Variants in CSNK1G1 observed in about 807,000 individuals in gnomAD.
The protein encoded by CSNK1G1 is casein kinase I isoform gamma-1.
CSNK1G1 carries 22 observed loss-of-function variants against 59.6 expected under a neutral mutation model. The ratio of observed to expected loss-of-function variants is 0.37; its 90% CI spans 0.26 to 0.53. The LOEUF is 0.53. CSNK1G1 is among the 20% of genes least tolerant of loss of function. The probability of loss-of-function intolerance (pLI) is 0.89; values close to 1 mark genes in which losing one functional copy is unlikely to be tolerated. For missense variants in CSNK1G1, 384 were observed against 519.5 expected (o/e 0.74, Z 2.54); for synonymous variants, 179 against 177.1 (o/e 1.01, Z -0.08).
At chr15:64,265,732 A>G (rs1956301223) in intron 2 of CSNK1G1, 1 of 452,596 alleles carries the variant, frequency 2.2e-6, no homozygotes, top group Admixed American at 2.4e-5. Flanking sequence ...GAAACTATAA[A>G]ATACCAACAA....
At chr15:64,331,577 G>C (rs1488930212) in intron 1 of CSNK1G1, among the ~76,000 whole-genome samples, 3 of 121,956 alleles carry the variant, frequency 2.5e-5, no homozygotes, top group Admixed American at 8.9e-5. Flanking sequence ...AAAAACCCTA[G>C]AAGAAAACCT....
At chr15:64,304,920 C>T (rs1895583020) in intron 1 of CSNK1G1, among the ~76,000 whole-genome samples, 1 of 152,158 alleles carries the variant, frequency 6.6e-6, no homozygotes, top group Non-Finnish European at 1.5e-5. Flanking sequence ...TCTACTACTT[C>T]TTCATCCACC....
chr15:64,303,791 A>C (rs1895502387), intron 1 of CSNK1G1, among the ~76,000 whole-genome samples: 2 of 151,060 alleles, frequency 1.3e-5, no homozygotes, highest in African/African-American at 4.9e-5. Context: ...GGTGGCGCAC[A>C]CCTGTGGTCC....
At chr15:64,230,878 G>C (rs2082538446) in intron 4 of CSNK1G1, among the ~76,000 whole-genome samples, 1 of 152,140 alleles carries the variant, frequency 6.6e-6, no homozygotes, top group South Asian at 2.1e-4. Context: ...GGAGGCTGAG[G>C]CAGGAGAATG....
intron 2 of CSNK1G1, among the ~76,000 whole-genome samples, chr15:64,278,663 G>C (rs559484271): frequency 6.6e-6 from 1 of 151,974 alleles, no homozygotes; most frequent in African/African-American, 2.4e-5. Flanking sequence ...TCCTGACCTC[G>C]TGATCTGCCC....
chr15:64,222,436 C>CAAA lies in CSNK1G1; in HGVS notation c.293-5724_293-5723insTTT, dbSNP rs1567381566. On this transcript the variant is annotated intron_variant, in intron 4 of 11. Coordinates refer to ENST00000303052, the MANE Select transcript of CSNK1G1 (RefSeq NM_022048.5). ...TAAAGAAATAACAACAACAACACCA[C>CAAA]CAAAAAAAAAAAAAAAAAAAAAAGA... is the stretch of plus-strand genomic sequence containing the variant. 7.1e-4 allele frequency among the ~76,000 whole-genome samples: 81 copies of CAAA among 114,654 alleles called. 1 individual carries two copies. Among genetic ancestry groups the CAAA allele is most frequent in the African/African-American group, 1.6e-3 (45 of 27,964 alleles). The allele number at this position is 114,654 out of a possible 152,430, so 75.2% of individuals were successfully genotyped here.
chr15:64,282,251 T>C (rs1029877316), intron 2 of CSNK1G1, among the ~76,000 whole-genome samples: 5 of 152,096 alleles, frequency 3.3e-5, no homozygotes, highest in African/African-American at 1.2e-4. Context: ...CTCTACACAA[T>C]TGCCTGACCT....
At chr15:64,260,870 C>A (rs893319093) in intron 2 of CSNK1G1, among the ~76,000 whole-genome samples, 3 of 152,114 alleles carry the variant, frequency 2.0e-5, no homozygotes, top group African/African-American at 7.2e-5. Context: ...TTGCGAGTAC[C>A]TTTACGTGTC....
At chr15:64,213,372 T>C (rs146150300) in intron 6 of CSNK1G1, among the ~76,000 whole-genome samples, 1 of 152,268 alleles carries the variant, frequency 6.6e-6, no homozygotes, top group Non-Finnish European at 1.5e-5. Flanking sequence ...TTAACAATAT[T>C]TGTGCAGGTT....
chr15:64,314,936 A>G (rs944136950), intron 1 of CSNK1G1, among the ~76,000 whole-genome samples: 12 of 152,234 alleles, frequency 7.9e-5, no homozygotes, highest in African/African-American at 2.7e-4. Flanking sequence ...TGCAATGAAC[A>G]TAAGAAAGCA....
chr15:64,351,264 C>T (rs751868626), intron 1 of CSNK1G1, among the ~76,000 whole-genome samples: 2 of 152,194 alleles, frequency 1.3e-5, no homozygotes, highest in Non-Finnish European at 2.9e-5. Context: ...TAACTCACTC[C>T]TGATTGTATA....
At chr15:64,178,977 C>T (rs2081775855) in intron 11 of CSNK1G1, among the ~76,000 whole-genome samples, 2 of 150,390 alleles carry the variant, frequency 1.3e-5, no homozygotes, top group Non-Finnish European at 3.0e-5. Context: ...TCTCAAACCT[C>T]TAGACTCAAG....
At chr15:64,317,414 G>C (rs992248490) in intron 1 of CSNK1G1, among the ~76,000 whole-genome samples, 4 of 150,834 alleles carry the variant, frequency 2.7e-5, no homozygotes, top group African/African-American at 7.4e-5. Context: ...AATTTTTGTA[G>C]AGTCTTTATC....
chr15:64,261,970 C>G (rs1170542766), intron 2 of CSNK1G1, among the ~76,000 whole-genome samples: 3 of 149,316 alleles, frequency 2.0e-5, no homozygotes, highest in Non-Finnish European at 4.4e-5. Flanking sequence ...GCCATTAATA[C>G]CATTTTTCCC....
intron 2 of CSNK1G1, among the ~76,000 whole-genome samples, chr15:64,299,947 C>A (rs1288861572): frequency 6.6e-6 from 1 of 152,094 alleles, no homozygotes; most frequent in Admixed American, 6.6e-5. Context: ...GGCCTTATGT[C>A]CTTCTTAAAA....
chr15:64,330,052 G>T (rs1305499837), intron 1 of CSNK1G1, among the ~76,000 whole-genome samples: 5 of 145,000 alleles, frequency 3.4e-5, no homozygotes, highest in African/African-American at 1.3e-4. Context: ...CAACCAAAAA[G>T]AGTCCAGGAC....
At chr15:64,204,647 G>C in intron 8 of CSNK1G1, 58 bp from the exon 9 acceptor site, 3 of 1,558,522 alleles carry the variant, frequency 1.9e-6, no homozygotes, top group South Asian at 1.2e-5. Flanking sequence ...CATAGCAGTT[G>C]TGGGGAAGCA....
intron 1 of CSNK1G1, among the ~76,000 whole-genome samples, chr15:64,302,889 T>G (rs554123362): frequency 1.3e-5 from 2 of 152,210 alleles, no homozygotes; most frequent in Non-Finnish European, 2.9e-5. Context: ...CTCTTCATAT[T>G]TTTCATTTTT....
intron 2 of CSNK1G1, among the ~76,000 whole-genome samples, chr15:64,299,629 A>G (rs1895218248): frequency 6.6e-6 from 1 of 151,634 alleles, no homozygotes; most frequent in Non-Finnish European, 1.5e-5. Context: ...ATAAATACCC[A>G]ATGTACCTTC....
Sources: allele counts gnomAD v4.1 joint callset (sites outside exome capture counted in the v4.1 genomes callset), GRCh38; gene constraint gnomAD v4.1.1; transcripts MANE v1.5; gene names NCBI Gene and HGNC (gene_info 2026-07-23, HGNC 2026-07-21).